Variants in ELP4 observed in about 807,000 individuals in gnomAD.
ELP4 encodes the protein elongator acetyltransferase complex subunit 4, also known as elongator complex protein 4.
A neutral mutation model predicts 48.9 loss-of-function variants in ELP4; 51 were observed. That is an observed-to-expected ratio of 1.04 (90% CI 0.83 to 1.32). ELP4 has a LOEUF of 1.32. Ranked by LOEUF, ELP4 falls within the 40% of genes most tolerant of loss-of-function variation. The pLI, the probability that ELP4 is intolerant of heterozygous loss-of-function variation, is 0.00. For synonymous variants in ELP4, 210 were observed against 189.2 expected (o/e 1.11, Z -0.90); for missense variants, 519 against 514.6 (o/e 1.01, Z -0.08).
chr11:31,719,274 GAAAGA>G (rs1303537470), intron 9 of ELP4, among the ~76,000 whole-genome samples: 2 of 151,264 alleles, frequency 1.3e-5, no homozygotes, highest in Admixed American at 6.6e-5. Flanking sequence ...AAAAAAAAAA[GAAAGA>G]AAAGAAAATC....
At chr11:31,583,561 C>T (rs1333417586) in intron 3 of ELP4, among the ~76,000 whole-genome samples, 1 of 152,030 alleles carries the variant, frequency 6.6e-6, no homozygotes, top group Non-Finnish European at 1.5e-5. Flanking sequence ...ATGATTATGC[C>T]ACTGCACTCC....
chr11:31,564,180 CTTACA>C (rs1473214731), intron 3 of ELP4, among the ~76,000 whole-genome samples: 3 of 152,124 alleles, frequency 2.0e-5, no homozygotes, highest in African/African-American at 4.8e-5. Flanking sequence ...TGAATACAAA[CTTACA>C]TTATAAATTT....
rs974432927 is a variant in ELP4 at position 31,704,926 on chromosome 11, G to A, written c.1143+54705G>A. On this transcript the variant is annotated intron_variant, in intron 9 of 9. Transcript: ENST00000640961. ...CTTGGGAGGCTGAAGCAGGAGAATCGCTTGAACCTGGGAGGCAGAGGTTGT... is the reference window on the plus strand; with the variant it reads ...CTTGGGAGGCTGAAGCAGGAGAATCACTTGAACCTGGGAGGCAGAGGTTGT... Among the ~76,000 whole-genome samples the A allele has an allele frequency of 4.0e-5, 6 of 151,540 alleles. No homozygotes were observed. In the South Asian group the frequency reaches 6.3e-4, roughly 16 times the overall value.
intron 7 of ELP4, among the ~76,000 whole-genome samples, chr11:31,643,634 T>C (rs939915006): frequency 1.3e-5 from 2 of 151,904 alleles, no homozygotes; most frequent in African/African-American, 2.4e-5. Flanking sequence ...TAAATTTTTA[T>C]CTCTTAACAA....
intron 9 of ELP4, among the ~76,000 whole-genome samples, chr11:31,776,966 C>A (rs1384733675): frequency 6.6e-6 from 1 of 152,108 alleles, no homozygotes; most frequent in Non-Finnish European, 1.5e-5. Context: ...CCAAAAAGAG[C>A]AAATATTTGG....
intron 9 of ELP4, among the ~76,000 whole-genome samples, chr11:31,732,197 C>G (rs1947205206): frequency 2.0e-5 from 3 of 151,924 alleles, no homozygotes; most frequent in Admixed American, 2.0e-4. Flanking sequence ...ACTTTTAATT[C>G]TATAGAATTT....
intron 9 of ELP4, among the ~76,000 whole-genome samples, chr11:31,701,165 T>C (rs983912059): frequency 2.6e-5 from 4 of 152,192 alleles, no homozygotes; most frequent in Admixed American, 1.3e-4. Flanking sequence ...GCTCATACCA[T>C]TTTGCATATA....
chr11:31,539,961 C>T (rs1346588070), intron 3 of ELP4, among the ~76,000 whole-genome samples, 178 bp downstream of exon 3: 1 of 152,084 alleles, frequency 6.6e-6, no homozygotes, highest in African/African-American at 2.4e-5. Context: ...CATAGGATTA[C>T]ATTTTAAACT....
chr11:31,521,980 A>G (rs1362391391), intron 2 of ELP4, among the ~76,000 whole-genome samples: 1 of 152,184 alleles, frequency 6.6e-6, no homozygotes, highest in Non-Finnish European at 1.5e-5. Flanking sequence ...TCAATACAAT[A>G]TAATCTTCTG....
intron 9 of ELP4, among the ~76,000 whole-genome samples, chr11:31,775,389 T>C (rs1220777576): frequency 6.6e-6 from 1 of 152,148 alleles, no homozygotes; most frequent in African/African-American, 2.4e-5. Context: ...CCCCCACAAA[T>C]GGCCATCTCT....
At chr11:31,652,123 T>G (rs1945332911) in intron 9 of ELP4, 1 of 151,856 alleles carries the variant, frequency 6.6e-6, no homozygotes, top group African/African-American at 2.4e-5. Context: ...GAAGCAATGT[T>G]TGAAAACAAA....
chr11:31,598,229 C>T (rs558082560), intron 4 of ELP4, among the ~76,000 whole-genome samples: 23 of 152,180 alleles, frequency 1.5e-4, no homozygotes, highest in African/African-American at 4.8e-4. Flanking sequence ...GTTGGGATTA[C>T]AGGTGTGAGC....
At chr11:31,555,521 TAGA>T (rs1045668760) in intron 3 of ELP4, among the ~76,000 whole-genome samples, 1 of 151,888 alleles carries the variant, frequency 6.6e-6, no homozygotes. Flanking sequence ...ACACTGTGAT[TAGA>T]AGAATAATAT....
intron 9 of ELP4, among the ~76,000 whole-genome samples, chr11:31,702,350 A>G (rs1015551758): frequency 6.6e-6 from 1 of 151,890 alleles, no homozygotes; most frequent in South Asian, 2.1e-4. Context: ...AATAATAACA[A>G]TAATAATTAG....
chr11:31,597,737 A>C (rs1216540158), intron 4 of ELP4, among the ~76,000 whole-genome samples: 1 of 151,424 alleles, frequency 6.6e-6, no homozygotes, highest in Non-Finnish European at 1.5e-5. Context: ...ACGCCAGGCT[A>C]GCTTTTGTAT....
At chr11:31,697,664 T>C (rs1946439377) in intron 9 of ELP4, among the ~76,000 whole-genome samples, 1 of 152,152 alleles carries the variant, frequency 6.6e-6, no homozygotes, top group Admixed American at 6.6e-5. Flanking sequence ...TAATTTAACA[T>C]GTATACCACG....
intron 2 of ELP4, among the ~76,000 whole-genome samples, chr11:31,527,820 C>G (rs186611019): frequency 6.6e-6 from 1 of 152,182 alleles, no homozygotes; most frequent in Non-Finnish European, 1.5e-5. Context: ...TTGATCTTAA[C>G]ATAAGATCTA....
intron 9 of ELP4, among the ~76,000 whole-genome samples, chr11:31,703,947 T>C (rs1946577224): frequency 6.6e-6 from 1 of 152,180 alleles, no homozygotes; most frequent in African/African-American, 2.4e-5. Context: ...TCAAAAATGT[T>C]ATATGCACTC....
At chr11:31,776,738 T>C (rs1198082640) in intron 9 of ELP4, among the ~76,000 whole-genome samples, 1 of 152,240 alleles carries the variant, frequency 6.6e-6, no homozygotes, top group Non-Finnish European at 1.5e-5. Flanking sequence ...TTTGTCTAAT[T>C]TTCAAATCAG....
Sources: gnomAD v4.1 joint callset for allele counts (sites outside exome capture counted in the v4.1 genomes callset) on GRCh38, gnomAD v4.1.1 for gene constraint, MANE v1.5 for transcripts, NCBI Gene and HGNC (gene_info 2026-07-23, HGNC 2026-07-21) for gene names.